CNTNAP1: variants seen among roughly 807,000 people sequenced by gnomAD.
CNTNAP1 encodes the protein contactin-associated protein 1.
CNTNAP1 carries 80 observed loss-of-function variants against 161.5 expected under a neutral mutation model. The ratio of observed to expected loss-of-function variants is 0.50; its 90% CI spans 0.41 to 0.60. CNTNAP1 has a LOEUF of 0.60. Among genes scored for constraint, CNTNAP1 ranks in the 20% least tolerant of loss-of-function variants. CNTNAP1 has a pLI of 0.00. For missense variants in CNTNAP1, 1,464 were observed against 1,854.8 expected (o/e 0.79, Z 3.87); for synonymous variants, 695 against 733.1 (o/e 0.95, Z 0.84).
chr17:42,690,770 C>T lies in CNTNAP1; in HGVS notation c.1887C>T (p.Asp629=). Residue 629 remains aspartate, a synonymous_variant, in exon 13 of 24, where the codon GAC becomes GAT. Transcript: ENST00000264638. The stretch of plus-strand genomic sequence containing the variant: ...GAGCGTGGACAGTTGTGCGGCATGA[C>T]AGGCTGTGGACAACTCGAGTGACAG... ...ENRAWTVVRH[D]RLWTTRVTGS... is the part of the protein sequence containing the mutation. 2 of 1,614,210 alleles carry T rather than the reference C, an allele frequency of 1.2e-6. No individual in the cohort carries two copies. Among genetic ancestry groups the T allele is most frequent in the Non-Finnish European group, 1.7e-6 (2 of 1,180,032 alleles).
rs894650135 is a variant in CNTNAP1, at chr17:42,691,574, G to A, written c.2344+63G>A. On this transcript the variant is annotated intron_variant, in intron 15 of 23. Coordinates refer to ENST00000264638, the MANE Select transcript of CNTNAP1 (RefSeq NM_003632.3). This position sits in a 1 kb window ranked among gnomAD's most constrained non-coding sequence, Gnocchi z 4.3. ...TGACTCTCCAGTTTCCAAAATCTAGGCCGCATGTCACTGGTGGTCTCTAGC... is the reference window on the plus strand; with the variant it reads ...TGACTCTCCAGTTTCCAAAATCTAGACCGCATGTCACTGGTGGTCTCTAGC... 25 of 1,600,440 alleles carry A rather than the reference G, an allele frequency of 1.6e-5. No individual in the cohort carries two copies. The highest frequency in any genetic ancestry group is 3.4e-5 in the Admixed American group (2 of 59,040).
chr17:42,684,760 T>A (rs553362738), intron 3 of CNTNAP1, among the ~76,000 whole-genome samples: 2 of 151,268 alleles, frequency 1.3e-5, no homozygotes, highest in African/African-American at 4.9e-5. Context: ...CCCGTCTCTA[T>A]GAAAAATACA....
chr17:42,690,850 G>C lies in CNTNAP1; in HGVS notation c.1967G>C (p.Trp656Ser). 6.2e-7 allele frequency: 1 copy of C among 1,614,254 alleles called. No homozygotes were observed. Among genetic ancestry groups the C allele is most frequent in the Non-Finnish European group, 8.5e-7 (1 of 1,180,048 alleles). The part of the protein sequence containing the change: ...LGAIQYWNAS[W>S]EEVSALANAS... ...GCTATCCAGTACTGGAATGCATCCTGGGAGGAAGTCAGTGCCCTTGCCAAT... is the reference window on the plus strand; with the variant it reads ...GCTATCCAGTACTGGAATGCATCCTCGGAGGAAGTCAGTGCCCTTGCCAAT... Residue 656 changes from tryptophan to serine, a missense_variant, in exon 13 of 24, where the codon TGG (tryptophan) becomes TCG (serine). Around this residue, in one of 3 missense-constraint regions of CNTNAP1, gnomAD observed 1,383 missense variants for 1,765.0 expected, o/e 0.78. Transcript: ENST00000264638.
In CNTNAP1 at chr17:42,691,497, G is replaced by A. The variant is rs550459405; in HGVS notation, c.2330G>A (p.Arg777His). ...SEAQFFLRPLRCYGDRNSWNT... is the reference protein window; with the variant it reads ...SEAQFFLRPLHCYGDRNSWNT... ...GCCCAGTTCTTCCTGAGGCCTCTGC[G>A]CTGCTATGGCGATCGTGAGTGGCAG... The change falls in exon 15 of 24, where the codon CGC becomes CAC. Residue 777 changes from arginine (R) to histidine (H), a missense_variant. Transcript: ENST00000264638. This position sits in a 1 kb window ranked among gnomAD's most constrained non-coding sequence, Gnocchi z 4.3. The A allele has an allele frequency of 1.9e-5, 30 of 1,614,004 alleles. No homozygotes were observed. The highest frequency in any genetic ancestry group is 2.4e-5 in the Non-Finnish European group (28 of 1,179,972).
At position 42,697,738 on chromosome 17, in the gene CNTNAP1, A is replaced by T. The variant is rs141193977; in HGVS notation, c.3753A>T (p.Gly1251=). The change falls in exon 22 of 24, where the codon GGA becomes GGT. Residue 1251 remains glycine, a synonymous_variant. Transcript: ENST00000264638. ...GAGAACTGTCCGAATCTAATTGCGG[A>T]GCTATGCCACGTCTTGTTTCAGAGG... is the stretch of plus-strand genomic sequence containing the variant. The part of the protein sequence containing the change: ...VQGELSESNC[G]AMPRLVSEVP... The T allele has an allele frequency of 6.2e-7, 1 of 1,614,110 alleles. No individual in the cohort carries two copies. Among genetic ancestry groups the T allele is most frequent in the Non-Finnish European group, 8.5e-7 (1 of 1,180,010 alleles).
chr17:42,687,409 G>C lies in CNTNAP1; in HGVS notation c.1045-311G>C, dbSNP rs545374813. 1 of 521,020 alleles carries C rather than the reference G, an allele frequency of 1.9e-6. No homozygotes were observed. The highest frequency in any genetic ancestry group is 1.9e-5 in the African/African-American group (1 of 52,586). 32.3% of individuals were successfully genotyped at this position (521,020 alleles called of 1,614,324 possible). A position where few individuals can be genotyped will look rare whatever the true frequency, so the allele number is the denominator to read the frequency against. On this transcript the variant is annotated intron_variant, in intron 7 of 23. Transcript: ENST00000264638. This position sits in a 1 kb window ranked among gnomAD's most constrained non-coding sequence, Gnocchi z 4.7. ...CCTCTCCGACTCTGGAGCTCTGTTG[G>C]GAAGCTGGCAGGAGCCAGGTCTGTG...
chr17:42,684,271 C>T lies in CNTNAP1; in HGVS notation c.363+42C>T, dbSNP rs775649339. 9 of 1,565,814 alleles carry T rather than the reference C, an allele frequency of 5.7e-6. No individual in the cohort carries two copies. In the Admixed American group the frequency reaches 1.4e-4, roughly 25 times the overall value. On this transcript the variant is annotated intron_variant, in intron 3 of 23. Coordinates refer to ENST00000264638, the MANE Select transcript of CNTNAP1 (RefSeq NM_003632.3). ...GGCGGTAACACTTGGGGAGCTTCCT[C>T]TGCTCCAGGCTCTGGGCCGGGCACC... is the stretch of plus-strand genomic sequence containing the variant.
At chr17:42,686,512 A>T (rs1414161708) in intron 6 of CNTNAP1, among the ~76,000 whole-genome samples, 4 of 95,012 alleles carry the variant, frequency 4.2e-5, no homozygotes, top group Non-Finnish European at 8.0e-5. Flanking sequence ...TGTTGCTGTT[A>T]GCATGCAGAC....
intron 21 of CNTNAP1, 68 bp downstream of exon 21, chr17:42,697,435 A>G: frequency 6.2e-7 from 1 of 1,607,090 alleles, no homozygotes; most frequent in South Asian, 1.1e-5. Flanking sequence ...CCTCAAGGAA[A>G]GTGAAGGCCC....
intron 8 of CNTNAP1, among the ~76,000 whole-genome samples, 158 bp downstream of exon 8, chr17:42,688,139 G>A (rs1248036431): frequency 6.6e-6 from 1 of 152,182 alleles, no homozygotes; most frequent in Admixed American, 6.5e-5. Flanking sequence ...GGTGGGAGTG[G>A]CTAGAGGCAG....
In CNTNAP1 at chr17:42,687,249, C is replaced by G. The variant is rs750836679; in HGVS notation, c.1044+203C>G. ...CCTAGTTAAGAAGCAGTGGTCGGGT[C>G]CAATCACCTTCTTAGTTCATAGATG... On this transcript the variant is annotated intron_variant, in intron 7 of 23. Coordinates refer to ENST00000264638, the MANE Select transcript of CNTNAP1 (RefSeq NM_003632.3). The surrounding 1 kb of genome is among the most constrained non-coding windows in gnomAD (Gnocchi z 4.7). 2 of 626,476 alleles carry G rather than the reference C, an allele frequency of 3.2e-6. No individual in the cohort carries two copies. The highest frequency in any genetic ancestry group is 3.7e-5 in the African/African-American group (2 of 54,648). 38.8% of individuals were successfully genotyped at this position (626,476 alleles called of 1,614,324 possible). A position where few individuals can be genotyped will look rare whatever the true frequency, so the allele number is the denominator to read the frequency against.
rs144554326 is a variant in CNTNAP1 at position 42,685,269 on chromosome 17, G to A, written c.564G>A (p.Pro188=). The change falls in exon 5 of 24, where the codon CCG becomes CCA. Residue 188 remains proline (P), a synonymous_variant. Coordinates refer to ENST00000264638, the MANE Select transcript of CNTNAP1 (RefSeq NM_003632.3). The surrounding 1 kb of genome is among the most constrained non-coding windows in gnomAD (Gnocchi z 5.0). ...DGDDAISYRF[P]RGVSRSLWDV... The stretch of plus-strand genomic sequence containing the variant: ...ACGATGCCATCTCCTACCGCTTCCC[G>A]CGAGGGGTCAGCCGAAGCCTGTGGG... 1.6e-3 allele frequency: 2,643 copies of A among 1,613,762 alleles called. 6 individuals carry two copies. Among genetic ancestry groups the A allele is most frequent in the South Asian group, 4.0e-3 (364 of 91,088 alleles).
At position 42,689,021 on chromosome 17, in the gene CNTNAP1, C is replaced by G; in HGVS notation, c.1602C>G (p.Leu534=). 6.3e-7 allele frequency: 1 copy of G among 1,599,558 alleles called. No homozygotes were observed. The highest frequency in any genetic ancestry group is 8.5e-7 in the Non-Finnish European group (1 of 1,171,724). ...GGCTTGGATTCTATGCTGAGGTCCT[C>G]TTTGATACATGTGGCATCACTGATA... ...GRRLGFYAEV[L]FDTCGITDRC... The change falls in exon 10 of 24, where the codon CTC becomes CTG. Residue 534 remains leucine, a synonymous_variant. Transcript: ENST00000264638.
intron 12 of CNTNAP1, 123 bp from the exon 13 acceptor site, chr17:42,690,616 T>A: frequency 1.1e-6 from 1 of 873,564 alleles, no homozygotes; most frequent in Non-Finnish European, 1.8e-6. Flanking sequence ...AGGGCAGAGG[T>A]GGAATGGAGC....
rs1166295273 is a variant in CNTNAP1, at chr17:42,692,587, C to G, written c.2619C>G (p.Asp873Glu). ...CAGACGACTTTGAGTTCAATGATGA[C>G]GAGTGGCACCTGGTCCGGGCTGAAA... is the stretch of plus-strand genomic sequence containing the variant. ...VHSDDFEFND[D>E]EWHLVRAEIN... The change falls in exon 17 of 24, where the codon GAC (aspartate) becomes GAG (glutamate). Residue 873 changes from aspartate (D) to glutamate (E), a missense_variant. Around this residue, in one of 3 missense-constraint regions of CNTNAP1, gnomAD observed 1,383 missense variants for 1,765.0 expected, o/e 0.78. Transcript: ENST00000264638. 9 of 1,614,088 alleles carry G rather than the reference C, an allele frequency of 5.6e-6. No homozygotes were observed. The highest frequency in any genetic ancestry group is 1.3e-5 in the African/African-American group (1 of 74,930).
chr17:42,692,649 G>A lies in CNTNAP1; in HGVS notation c.2681G>A (p.Arg894Gln), dbSNP rs529982247. The A allele has an allele frequency of 4.0e-5, 64 of 1,614,048 alleles. No homozygotes were observed. The Middle Eastern group carries it at 6.6e-4, about 17-fold the overall frequency. The change falls in exon 17 of 24, where the codon CGG becomes CAG. Residue 894 changes from arginine to glutamine, a missense_variant. Arg to Gln is a conservative substitution (Grantham distance 43). This residue lies in a region of CNTNAP1 where 1,383 missense variants were observed against 1,765.0 expected (regional missense o/e 0.78). Coordinates refer to ENST00000264638, the MANE Select transcript of CNTNAP1 (RefSeq NM_003632.3). ...CAGGCCCGGCTCCGAGTGGATCACC[G>A]GCCCTGGGTTCTGCGGCCTATGCCA... ...VKQARLRVDHRPWVLRPMPLQ... is the reference protein window; with the variant it reads ...VKQARLRVDHQPWVLRPMPLQ...
rs983337201 is a variant in CNTNAP1, at chr17:42,687,077, G to T, written c.1044+31G>T. On this transcript the variant is annotated intron_variant, in intron 7 of 23. Coordinates refer to ENST00000264638, the MANE Select transcript of CNTNAP1 (RefSeq NM_003632.3). The surrounding 1 kb of genome is among the most constrained non-coding windows in gnomAD (Gnocchi z 4.7). ...TGGGCAGGGGGGTCTGGGAGGACAG[G>T]ATATCAAAGCGTCGTGGAAAGCAAA... The T allele has an allele frequency of 1.9e-6, 3 of 1,596,478 alleles. No individual in the cohort carries two copies. Among genetic ancestry groups the T allele is most frequent in the Non-Finnish European group, 2.6e-6 (3 of 1,166,864 alleles).
chr17:42,690,825 G>A lies in CNTNAP1; in HGVS notation c.1942G>A (p.Ala648Thr), dbSNP rs1489280394. 3 of 1,614,098 alleles carry A rather than the reference G, an allele frequency of 1.9e-6. No individual in the cohort carries two copies. Among genetic ancestry groups the A allele is most frequent in the Non-Finnish European group, 2.5e-6 (3 of 1,180,038 alleles). ...CAGCATGGAGCGGCCATTCCTGGGG[G>A]CTATCCAGTACTGGAATGCATCCTG... ...GSSMERPFLG[A>T]IQYWNASWEE... Residue 648 changes from alanine (A) to threonine (T), a missense_variant, in exon 13 of 24, where the codon GCT (alanine) becomes ACT (threonine). Around this residue, in one of 3 missense-constraint regions of CNTNAP1, gnomAD observed 1,383 missense variants for 1,765.0 expected, o/e 0.78. Coordinates refer to ENST00000264638, the MANE Select transcript of CNTNAP1 (RefSeq NM_003632.3).
rs1567976618 is a variant in CNTNAP1 at position 42,697,564 on chromosome 17, C to A, written c.3579C>A (p.Val1193=). ...LYLGRVMETG[V]IDPEIQRYNT... Reference sequence around the variant, plus strand: ...CTGCCTCTCTCTCAGAGACAGGAGTCATTGACCCGGAGATCCAGCGCTACA... The same window carrying A: ...CTGCCTCTCTCTCAGAGACAGGAGTAATTGACCCGGAGATCCAGCGCTACA... Residue 1193 remains valine, a synonymous_variant, in exon 22 of 24, where the codon GTC becomes GTA. Coordinates refer to ENST00000264638, the MANE Select transcript of CNTNAP1 (RefSeq NM_003632.3). 2 of 1,614,042 alleles carry A rather than the reference C, an allele frequency of 1.2e-6. No individual in the cohort carries two copies. The highest frequency in any genetic ancestry group is 1.3e-5 in the African/African-American group (1 of 74,976).
Sources: allele counts gnomAD v4.1 joint callset (sites outside exome capture counted in the v4.1 genomes callset), GRCh38; gene constraint gnomAD v4.1.1; regional missense constraint gnomAD v4.1.1; non-coding constraint Gnocchi (gnomAD v3.1); transcripts MANE v1.5; gene names NCBI Gene and HGNC (gene_info 2026-07-23, HGNC 2026-07-21).